Variants in TMTC1 observed in about 807,000 individuals in gnomAD.
The protein encoded by TMTC1 is protein O-mannosyl-transferase TMTC1.
TMTC1 carries 73 observed loss-of-function variants against 104.8 expected under a neutral mutation model. The observed-to-expected ratio is 0.70, with a 90% CI of 0.58 to 0.85. TMTC1 has a LOEUF of 0.85. Among genes scored for constraint, TMTC1 ranks in the 40% least tolerant of loss-of-function variants. The pLI is 0.00. For missense variants in TMTC1, 1,035 were observed against 1,096.1 expected (o/e 0.94, Z 0.79); for synonymous variants, 434 against 428.7 (o/e 1.01, Z -0.15).
At chr12:29,569,683 A>AG (rs1945613343) in intron 9 of TMTC1, among the ~76,000 whole-genome samples, 1 of 152,208 alleles carries the variant, frequency 6.6e-6, no homozygotes. Context: ...CTATTTCTTA[A>AG]AAAACAACAA....
chr12:29,707,828 A>G (rs1428604365), intron 5 of TMTC1, among the ~76,000 whole-genome samples: 16 of 152,146 alleles, frequency 1.1e-4, no homozygotes. Context: ...CAGCACTTAA[A>G]AACTGAAGTT....
chr12:29,526,525 T>G lies in TMTC1; in HGVS notation c.1786-5805A>C, dbSNP rs188781870. Among the ~76,000 whole-genome samples, 4 of 152,306 alleles carry G rather than the reference T, an allele frequency of 2.6e-5. No homozygotes were observed. The East Asian group carries it at 7.7e-4, about 29-fold the overall frequency. ...GTATTCAATTAATTCTTGTCTTGCT[T>G]GGGTTAGAAGTTTTATAACCCAGTC... On this transcript the variant is annotated intron_variant, in intron 11 of 17. Coordinates refer to ENST00000539277, the MANE Select transcript of TMTC1 (RefSeq NM_001193451.2).
intron 7 of TMTC1, among the ~76,000 whole-genome samples, chr12:29,603,150 C>T (rs1293667703): frequency 6.6e-6 from 1 of 152,064 alleles, no homozygotes; most frequent in Non-Finnish European, 1.5e-5. Flanking sequence ...GCTGAAGACA[C>T]AGTAAACAAT....
intron 5 of TMTC1, among the ~76,000 whole-genome samples, chr12:29,700,195 C>A (rs1240329787): frequency 6.6e-6 from 1 of 151,170 alleles, no homozygotes; most frequent in African/African-American, 2.4e-5. Flanking sequence ...ATTACAGGCA[C>A]TCCCCACCAT....
At chr12:29,679,578 A>G (rs1056974522) in intron 5 of TMTC1, among the ~76,000 whole-genome samples, 1 of 152,156 alleles carries the variant, frequency 6.6e-6, no homozygotes, top group African/African-American at 2.4e-5. Flanking sequence ...ATTCATAGTG[A>G]TGATGCTAAT....
chr12:29,766,777 AGTCTTGTAAAACTGTGGTGC>A (rs1470525298), intron 2 of TMTC1, among the ~76,000 whole-genome samples: 1 of 152,164 alleles, frequency 6.6e-6, no homozygotes, highest in African/African-American at 2.4e-5. Flanking sequence ...TCTGGAAAAG[AGTCTTGTAAAACTGTGGTGC>A]CCATGGACCT....
At chr12:29,710,599 C>T (rs1941875758) in intron 5 of TMTC1, among the ~76,000 whole-genome samples, 2 of 137,004 alleles carry the variant, frequency 1.5e-5, no homozygotes, top group African/African-American at 2.7e-5. Flanking sequence ...ATTTATTATA[C>T]TTATAATTTT....
chr12:29,774,639 A>C (rs1844547272), intron 1 of TMTC1, among the ~76,000 whole-genome samples: 1 of 152,056 alleles, frequency 6.6e-6, no homozygotes, highest in Non-Finnish European at 1.5e-5. Flanking sequence ...ACAGATCTCA[A>C]ATGCTTATAA....
intron 7 of TMTC1, among the ~76,000 whole-genome samples, chr12:29,603,650 C>T (rs985024842): frequency 2.6e-5 from 4 of 152,108 alleles, no homozygotes; most frequent in African/African-American, 4.8e-5. Context: ...TTCAAACATT[C>T]AGAGCTAAGT....
intron 6 of TMTC1, among the ~76,000 whole-genome samples, chr12:29,625,351 A>C (rs1422340775): frequency 6.6e-6 from 1 of 152,212 alleles, no homozygotes. Flanking sequence ...TAGTAGGAGA[A>C]CCTGACTGTA....
chr12:29,655,854 GA>G (rs1031137697), intron 5 of TMTC1, among the ~76,000 whole-genome samples: 12 of 151,550 alleles, frequency 7.9e-5, no homozygotes, highest in African/African-American at 2.7e-4. Context: ...ACTAAATGGG[GA>G]AAAAAAAGCT....
At chr12:29,576,441 C>T (rs1297140595) in intron 8 of TMTC1, among the ~76,000 whole-genome samples, 1 of 152,038 alleles carries the variant, frequency 6.6e-6, no homozygotes. Flanking sequence ...CACAATGAAA[C>T]ATTATTCAGC....
At chr12:29,632,301 C>A (rs1270424970) in intron 6 of TMTC1, among the ~76,000 whole-genome samples, 2 of 152,146 alleles carry the variant, frequency 1.3e-5, no homozygotes, top group South Asian at 2.1e-4. Flanking sequence ...TTTTCAAGTT[C>A]TTTGCTGAAA....
chr12:29,763,261 C>T (rs1312530353), intron 2 of TMTC1, among the ~76,000 whole-genome samples: 2 of 152,184 alleles, frequency 1.3e-5, no homozygotes, highest in Admixed American at 1.3e-4. Context: ...TTCAAATATT[C>T]GTGTAACACT....
intron 10 of TMTC1, among the ~76,000 whole-genome samples, chr12:29,538,363 C>G (rs754024801): frequency 6.6e-6 from 1 of 151,992 alleles, no homozygotes; most frequent in Non-Finnish European, 1.5e-5. Context: ...ACTAATTTGG[C>G]TATTATCTTA....
chr12:29,699,992 T>A (rs1208825021), intron 5 of TMTC1, among the ~76,000 whole-genome samples: 1 of 152,078 alleles, frequency 6.6e-6, no homozygotes, highest in African/African-American at 2.4e-5. Context: ...TATTGTTGTT[T>A]AGTAAGATTC....
chr12:29,630,639 T>C (rs1938249411), intron 6 of TMTC1, among the ~76,000 whole-genome samples: 3 of 152,226 alleles, frequency 2.0e-5, no homozygotes, highest in Admixed American at 6.5e-5. Context: ...CTAAAATTTC[T>C]GAATAATTGA....
intron 5 of TMTC1, among the ~76,000 whole-genome samples, chr12:29,712,865 A>G (rs1043288894): frequency 6.6e-6 from 1 of 152,166 alleles, no homozygotes; most frequent in Admixed American, 6.5e-5. Flanking sequence ...GTCTACCTTC[A>G]ACTTGAATGA....
chr12:29,593,975 C>T (rs1356474028), intron 7 of TMTC1, among the ~76,000 whole-genome samples: 4 of 152,196 alleles, frequency 2.6e-5, no homozygotes, highest in Non-Finnish European at 5.9e-5. Context: ...AAAAATCCAT[C>T]AATCCAAGTT....
Sources: gnomAD v4.1 joint callset for allele counts (sites outside exome capture counted in the v4.1 genomes callset) on GRCh38, gnomAD v4.1.1 for gene constraint, MANE v1.5 for transcripts, NCBI Gene and HGNC (gene_info 2026-07-23, HGNC 2026-07-21) for gene names.